FAM117B: variants seen among roughly 807,000 people sequenced by gnomAD.
The protein encoded by FAM117B is family with sequence similarity 117 member B.
FAM117B carries 22 observed loss-of-function variants against 52.8 expected under a neutral mutation model. That is an observed-to-expected ratio of 0.42 (90% confidence interval 0.30 to 0.59). The LOEUF (loss-of-function observed/expected upper bound fraction) is 0.59. Among genes scored for constraint, FAM117B ranks in the 20% least tolerant of loss-of-function variants. The pLI, the probability that FAM117B is intolerant of heterozygous loss-of-function variation, is 0.22. For missense variants in FAM117B, 678 were observed against 802.6 expected, an observed-to-expected ratio of 0.84 and a Z score of 1.88; for synonymous variants, 309 against 324.1, an observed-to-expected ratio of 0.95 and a Z score of 0.50.
rs1303766278 is a variant in FAM117B, at chr2:202,735,880, C to G, written c.960+9517C>G. ...ACATGTGTCATGTTGGTGTGCTGCA[C>G]CCATTAACTCATCATTTAACATTAG... On this transcript the variant is annotated intron_variant, in intron 4 of 7. Transcript: ENST00000392238. Among the ~76,000 whole-genome samples, 4 of 152,166 alleles carry G rather than the reference C, an allele frequency of 2.6e-5. No individual in the cohort carries two copies. In the East Asian group the frequency reaches 7.7e-4, roughly 29 times the overall value.
At chr2:202,713,787 A>G (rs1231783791) in intron 2 of FAM117B, among the ~76,000 whole-genome samples, 1 of 151,906 alleles carries the variant, frequency 6.6e-6, no homozygotes, top group Non-Finnish European at 1.5e-5. Flanking sequence ...GCTCACTGCA[A>G]CCTCCACCTC....
chr2:202,662,020 T>C (rs1487095245), intron 1 of FAM117B, among the ~76,000 whole-genome samples: 1 of 151,990 alleles, frequency 6.6e-6, no homozygotes, highest in Non-Finnish European at 1.5e-5. Flanking sequence ...CTTGCACTCC[T>C]GTGTTTATTG....
At chr2:202,696,416 A>T (rs1306095609) in intron 2 of FAM117B, among the ~76,000 whole-genome samples, 2 of 152,076 alleles carry the variant, frequency 1.3e-5, no homozygotes, top group South Asian at 2.1e-4. Flanking sequence ...TAATGAGCTT[A>T]AAAAAAATTG....
chr2:202,724,430 C>G (rs957520691), intron 2 of FAM117B, among the ~76,000 whole-genome samples: 3 of 152,172 alleles, frequency 2.0e-5, no homozygotes, highest in African/African-American at 7.2e-5. Context: ...GCTCTGGAGT[C>G]TCAGGTTTAT....
rs1370125912 is a variant in FAM117B at position 202,766,028 on chromosome 2, T to C, written c.*264T>C. On this transcript the variant is annotated 3_prime_UTR_variant, in exon 8 of 8. Coordinates refer to ENST00000392238, the MANE Select transcript of FAM117B (RefSeq NM_173511.4). ...ATTCTTTACCTTTGGAGAGACAATA[T>C]CACGTTTTTGTTTTCGAATTAGACT... The C allele has an allele frequency of 2.2e-6, 1 of 452,010 alleles. No homozygotes were observed. The highest frequency in any genetic ancestry group is 4.0e-6 in the Non-Finnish European group (1 of 252,022). 28.0% of individuals were successfully genotyped at this position (452,010 alleles called of 1,614,324 possible). A position where few individuals can be genotyped will look rare whatever the true frequency, so the allele number is the denominator to read the frequency against.
At chr2:202,747,396 T>C (rs1368354214) in intron 4 of FAM117B, among the ~76,000 whole-genome samples, 3 of 152,140 alleles carry the variant, frequency 2.0e-5, no homozygotes, top group Non-Finnish European at 4.4e-5. Context: ...TCACCAGTTA[T>C]TCAGTATAGT....
intron 4 of FAM117B, among the ~76,000 whole-genome samples, chr2:202,744,391 G>A (rs973547984): frequency 1.3e-5 from 2 of 152,122 alleles, no homozygotes; most frequent in Non-Finnish European, 2.9e-5. Context: ...AGGAACTAAC[G>A]GAGTGAATTC....
At chr2:202,737,724 C>T (rs1327929957) in intron 4 of FAM117B, among the ~76,000 whole-genome samples, 1 of 152,016 alleles carries the variant, frequency 6.6e-6, no homozygotes, top group Non-Finnish European at 1.5e-5. Flanking sequence ...GCCTCAGCCT[C>T]CCGAGTGGCT....
Position 202,642,666 on chromosome 2 carries a change from A to G in FAM117B, c.601+6878A>G, listed in dbSNP as rs181427667. Among the ~76,000 whole-genome samples the G allele has an allele frequency of 3.3e-5, 5 of 152,328 alleles. No homozygotes were observed. In the East Asian group the frequency reaches 7.7e-4, roughly 23 times the overall value. On this transcript the variant is annotated intron_variant, in intron 1 of 7. Coordinates refer to ENST00000392238, the MANE Select transcript of FAM117B (RefSeq NM_173511.4). ...TCTAGATTGTGGCAAATAACATTTT[A>G]AAACTCAGGGATACACTTTGAACTT...
intron 1 of FAM117B, among the ~76,000 whole-genome samples, chr2:202,694,443 G>A (rs907285687): frequency 2.0e-5 from 3 of 151,378 alleles, no homozygotes; most frequent in African/African-American, 7.3e-5. Flanking sequence ...CTCCTACCTC[G>A]GCCTCCCATA....
chr2:202,722,037 G>A (rs1034422795), intron 2 of FAM117B, among the ~76,000 whole-genome samples: 1 of 141,848 alleles, frequency 7.0e-6, no homozygotes, highest in East Asian at 2.0e-4. Flanking sequence ...TGGAGATGGA[G>A]CCTCTCACTG....
intron 1 of FAM117B, among the ~76,000 whole-genome samples, chr2:202,687,904 G>A (rs1204911596): frequency 6.6e-6 from 1 of 152,024 alleles, no homozygotes; most frequent in East Asian, 1.9e-4. Flanking sequence ...TCAATATTTG[G>A]TTATGGTATC....
chr2:202,648,764 ATTT>A (rs1181331706), intron 1 of FAM117B, among the ~76,000 whole-genome samples: 2 of 151,184 alleles, frequency 1.3e-5, no homozygotes, highest in African/African-American at 4.9e-5. Context: ...TTTTATTATT[ATTT>A]TTTATTTTTT....
At chr2:202,676,836 T>C (rs1690385695) in intron 1 of FAM117B, among the ~76,000 whole-genome samples, 1 of 152,196 alleles carries the variant, frequency 6.6e-6, no homozygotes, top group African/African-American at 2.4e-5. Context: ...TTGTCCGTCA[T>C]GATACAGAAA....
intron 1 of FAM117B, among the ~76,000 whole-genome samples, chr2:202,644,036 C>A (rs985236256): frequency 1.5e-5 from 2 of 136,634 alleles, no homozygotes; most frequent in African/African-American, 5.8e-5. Context: ...ATATGCTATA[C>A]TACTGCTTTA....
intron 4 of FAM117B, among the ~76,000 whole-genome samples, chr2:202,737,386 C>G (rs1346526334): frequency 1.3e-5 from 2 of 152,098 alleles, no homozygotes; most frequent in Non-Finnish European, 2.9e-5. Context: ...CCACTATAGT[C>G]AAGATAAAAC....
At chr2:202,732,644 C>A in intron 4 of FAM117B, among the ~76,000 whole-genome samples, 1 of 152,030 alleles carries the variant, frequency 6.6e-6, no homozygotes, top group South Asian at 2.1e-4. Context: ...CATAGTGAAA[C>A]CCCATCTCTA....
chr2:202,753,256 C>A (rs1370281668), intron 4 of FAM117B, among the ~76,000 whole-genome samples: 3 of 152,170 alleles, frequency 2.0e-5, no homozygotes, highest in Admixed American at 1.3e-4. Context: ...CTGACAAAAA[C>A]AAGCAATGAG....
rs549312421 is a variant in FAM117B, at chr2:202,657,683, A to G, written c.601+21895A>G. ...TAAAATTTTTTTAGAGATGGGTTTC[A>G]CTGTGTTGCCTAAGCTGGTCTCGAC... is the stretch of plus-strand genomic sequence containing the variant. On this transcript the variant is annotated intron_variant, in intron 1 of 7. Transcript: ENST00000392238. Among the ~76,000 whole-genome samples, 8 of 151,330 alleles carry G rather than the reference A, an allele frequency of 5.3e-5. No homozygotes were observed. In the South Asian group the frequency reaches 1.5e-3, roughly 28 times the overall value.
Sources: allele counts gnomAD v4.1 joint callset (sites outside exome capture counted in the v4.1 genomes callset), GRCh38; gene constraint gnomAD v4.1.1; transcripts MANE v1.5; gene names NCBI Gene and HGNC (gene_info 2026-07-23, HGNC 2026-07-21).